The following TRAPPC11 variants were observed in gnomAD, a reference collection of about 807,000 sequenced individuals.
The protein encoded by TRAPPC11 is foie gras homolog.
TRAPPC11 carries 104 observed loss-of-function variants against 151.2 expected under a neutral mutation model. The ratio of observed to expected loss-of-function variants is 0.69; its 90% CI spans 0.59 to 0.81. The LOEUF (loss-of-function observed/expected upper bound fraction) is 0.81. Ranked by LOEUF, TRAPPC11 falls within the 30% of genes least tolerant of loss-of-function variation. TRAPPC11 has a pLI of 0.00. For synonymous variants in TRAPPC11, 456 were observed against 472.3 expected, an observed-to-expected ratio of 0.97 and a Z score of 0.45; for missense variants, 1,230 against 1,349.6, an observed-to-expected ratio of 0.91 and a Z score of 1.39.
At chr4:183,683,172 T>C (rs1317802554) in intron 11 of TRAPPC11, among the ~76,000 whole-genome samples, 1 of 142,338 alleles carries the variant, frequency 7.0e-6, no homozygotes, top group East Asian at 2.1e-4. Flanking sequence ...AAAAAAAAAA[T>C]ACAACATTTG....
chr4:183,696,026 A>G (rs545230927), intron 23 of TRAPPC11, among the ~76,000 whole-genome samples: 8 of 152,302 alleles, frequency 5.3e-5, no homozygotes, highest in African/African-American at 1.9e-4. Context: ...TCAAAATCCA[A>G]AACGTTCCAA....
Position 183,712,962 on chromosome 4 carries a change from G to A in TRAPPC11, c.*318G>A, listed in dbSNP as rs1405913599. ...GCATGTATAATATCAGGAAAATTAA[G>A]CATCCCAAGTGTGACTGGACAAAGA... On this transcript the variant is annotated 3_prime_UTR_variant, in exon 30 of 30. Coordinates refer to ENST00000334690, the MANE Select transcript of TRAPPC11 (RefSeq NM_021942.6). 3.2e-5 allele frequency: 10 copies of A among 315,146 alleles called. No homozygotes were observed. The highest frequency in any genetic ancestry group is 5.5e-5 in the South Asian group (1 of 18,048). The allele number at this position is 315,146 out of a possible 1,614,324, so 19.5% of individuals were successfully genotyped here. A position where few individuals can be genotyped will look rare whatever the true frequency, so the allele number is the denominator to read the frequency against.
At chr4:183,695,044 GT>G (rs1736467118) in intron 23 of TRAPPC11, among the ~76,000 whole-genome samples, 1 of 151,238 alleles carries the variant, frequency 6.6e-6, no homozygotes, top group Non-Finnish European at 1.5e-5. Context: ...CACCTCCCGG[GT>G]TCAAGCGATT....
chr4:183,704,819 AT>A (rs1385256245), intron 26 of TRAPPC11, among the ~76,000 whole-genome samples, 159 bp from the exon 27 acceptor site: 1 of 152,126 alleles, frequency 6.6e-6, no homozygotes, highest in Non-Finnish European at 1.5e-5. Flanking sequence ...TCTCAAAAAA[AT>A]AATAATAAAA....
chr4:183,702,679 G>A lies in TRAPPC11; in HGVS notation c.2963+871G>A, dbSNP rs372724316. On this transcript the variant is annotated intron_variant, in intron 26 of 29. Transcript: ENST00000334690. ...AATTCAGGATAGTGGTTACCTTTGGGATGGGGGGATACAAGCAGGAAGGGC... is the reference window on the plus strand; with the variant it reads ...AATTCAGGATAGTGGTTACCTTTGGAATGGGGGGATACAAGCAGGAAGGGC... Among the ~76,000 whole-genome samples the A allele has an allele frequency of 2.1e-3, 314 of 152,306 alleles. 1 individual carries two copies. The highest frequency in any genetic ancestry group is 7.1e-3 in the African/African-American group (297 of 41,570).
At chr4:183,661,442 G>A (rs1428602623) in intron 1 of TRAPPC11, among the ~76,000 whole-genome samples, 3 of 129,192 alleles carry the variant, frequency 2.3e-5, no homozygotes, top group South Asian at 5.1e-4. Flanking sequence ...CGCGATCTCC[G>A]CTCACTGCAA....
At chr4:183,695,918 T>C (rs28671564) in intron 23 of TRAPPC11, among the ~76,000 whole-genome samples, 22,305 of 152,164 alleles carry the variant, frequency 0.15, 1,777 homozygotes, top group East Asian at 0.18. Context: ...CAGCACATTA[T>C]ATGTATTATC....
Position 183,712,405 on chromosome 4 carries a change from A to G in TRAPPC11, c.3358-195A>G, listed in dbSNP as rs62358042. 0.27 allele frequency among the ~76,000 whole-genome samples: 40,887 copies of G among 152,064 alleles called. 6,015 individuals carry two copies. The highest frequency in any genetic ancestry group is 0.39 in the African/African-American group (16,237 of 41,430). On this transcript the variant is annotated intron_variant, in intron 29 of 29. Transcript: ENST00000334690. ...CCCAGCCTGTGCCGTGGCCATCCCC[A>G]GGTGCAAGTGAAGAAAGAAAGAGGT... is the stretch of plus-strand genomic sequence containing the variant.
At chr4:183,711,537 T>C (rs1445728316) in intron 29 of TRAPPC11, among the ~76,000 whole-genome samples, 1 of 152,138 alleles carries the variant, frequency 6.6e-6, no homozygotes, top group African/African-American at 2.4e-5. Flanking sequence ...CCATCAGTAC[T>C]AAAAAAACAG....
intron 10 of TRAPPC11, among the ~76,000 whole-genome samples, chr4:183,682,097 T>C (rs546987371): frequency 1.3e-5 from 2 of 152,314 alleles, no homozygotes; most frequent in South Asian, 2.1e-4. Context: ...AGGTTGAAAA[T>C]TAATCATTAA....
intron 25 of TRAPPC11, among the ~76,000 whole-genome samples, chr4:183,699,509 A>G (rs1000005380): frequency 6.6e-6 from 1 of 152,214 alleles, no homozygotes; most frequent in Admixed American, 6.5e-5. Context: ...TACTTAGCTA[A>G]TAAGTGTTTA....
intron 6 of TRAPPC11, 174 bp downstream of exon 6, chr4:183,674,986 A>C (rs1735341825): frequency 1.4e-5 from 8 of 571,784 alleles, no homozygotes; most frequent in Non-Finnish European, 2.3e-5. Context: ...TTGCTTTTAA[A>C]GTTCTTAAAG....
At chr4:183,696,199 A>G (rs1305708790) in intron 23 of TRAPPC11, among the ~76,000 whole-genome samples, 2 of 152,172 alleles carry the variant, frequency 1.3e-5, no homozygotes, top group African/African-American at 4.8e-5. Context: ...AACCTGTATA[A>G]CTTTCCCAGG....
intron 18 of TRAPPC11, among the ~76,000 whole-genome samples, 193 bp from the exon 19 acceptor site, chr4:183,691,123 G>T (rs1021795307): frequency 2.0e-5 from 3 of 152,218 alleles, no homozygotes; most frequent in Admixed American, 1.3e-4. Context: ...CAGTTTATGT[G>T]TAGTGAACTG....
chr4:183,664,697 G>A (rs1299760104), intron 2 of TRAPPC11, among the ~76,000 whole-genome samples: 4 of 152,104 alleles, frequency 2.6e-5, no homozygotes, highest in Non-Finnish European at 5.9e-5. Flanking sequence ...TAAAAAAACA[G>A]TAAAACAGTT....
chr4:183,676,222 T>C (rs952616554), intron 7 of TRAPPC11, among the ~76,000 whole-genome samples: 33 of 152,166 alleles, frequency 2.2e-4, no homozygotes, highest in African/African-American at 7.2e-4. Context: ...CGATCTCGGC[T>C]CACTGCAACC....
intron 18 of TRAPPC11, among the ~76,000 whole-genome samples, chr4:183,690,759 G>C (rs574641012): frequency 6.6e-6 from 1 of 152,248 alleles, no homozygotes; most frequent in South Asian, 2.1e-4. Context: ...TTGAGCCCAG[G>C]AAGTTTGAAA....
chr4:183,665,202 C>T lies in TRAPPC11; in HGVS notation c.205-1055C>T, dbSNP rs556250787. On this transcript the variant is annotated intron_variant, in intron 2 of 29. Coordinates refer to ENST00000334690, the MANE Select transcript of TRAPPC11 (RefSeq NM_021942.6). ...CTCCGCCTCCTGGGTTCGTGCCATT[C>T]TCCTGCTTCAGCCTCCCGAGTGGCT... Among the ~76,000 whole-genome samples, 307 of 142,416 alleles carry T rather than the reference C, an allele frequency of 2.2e-3. 2 individuals are homozygous for T. Among genetic ancestry groups the T allele is most frequent in the African/African-American group, 7.8e-3 (295 of 38,036 alleles). 93.4% of individuals were successfully genotyped at this position (142,416 alleles called of 152,430 possible).
At chr4:183,701,991 A>G (rs1313436216) in intron 26 of TRAPPC11, among the ~76,000 whole-genome samples, 183 bp downstream of exon 26, 1 of 152,166 alleles carries the variant, frequency 6.6e-6, no homozygotes, top group Non-Finnish European at 1.5e-5. Context: ...GTAATTTGTG[A>G]CTTATATGCT....
Sources: gnomAD v4.1 joint callset for allele counts (sites outside exome capture counted in the v4.1 genomes callset) on GRCh38, gnomAD v4.1.1 for gene constraint, MANE v1.5 for transcripts, NCBI Gene and HGNC (gene_info 2026-07-23, HGNC 2026-07-21) for gene names.